The following VPS13B variants were observed in gnomAD, a reference collection of about 807,000 sequenced individuals.
The protein encoded by VPS13B is intermembrane lipid transfer protein VPS13B.
Under a neutral mutation model 426.4 loss-of-function variants are expected in VPS13B, and 285 were observed. That is an observed-to-expected ratio of 0.67 (90% CI 0.61 to 0.74). The LOEUF (loss-of-function observed/expected upper bound fraction) is 0.74. VPS13B is among the 30% of genes least tolerant of loss of function. VPS13B has a pLI of 0.00. For missense variants in VPS13B, 4,537 were observed against 4,782.6 expected (o/e 0.95, Z 1.51); for synonymous variants, 1,676 against 1,676.4 (o/e 1.00, Z 0.01).
At chr8:99,099,999 A>G (rs1846641022) in intron 4 of VPS13B, among the ~76,000 whole-genome samples, 1 of 152,168 alleles carries the variant, frequency 6.6e-6, no homozygotes, top group South Asian at 2.1e-4. Context: ...ATGATGAACA[A>G]ATATACTCCC....
chr8:99,533,053 C>G (rs1243612901), intron 30 of VPS13B, among the ~76,000 whole-genome samples: 7 of 151,338 alleles, frequency 4.6e-5, no homozygotes, highest in Non-Finnish European at 1.0e-4. Flanking sequence ...GATTCTCCTC[C>G]CTCAGCCTCC....
At chr8:99,214,495 A>G (rs1815280548) in intron 17 of VPS13B, among the ~76,000 whole-genome samples, 1 of 152,174 alleles carries the variant, frequency 6.6e-6, no homozygotes, top group Non-Finnish European at 1.5e-5. Context: ...TATTGACAGA[A>G]GAAGTCCTGG....
intron 34 of VPS13B, among the ~76,000 whole-genome samples, chr8:99,652,144 A>G (rs935341684): frequency 4.6e-5 from 7 of 152,152 alleles, no homozygotes; most frequent in Admixed American, 2.6e-4. Context: ...TATAAATGCC[A>G]AAGGTCTAAT....
At chr8:99,079,839 C>T (rs1006316228) in intron 3 of VPS13B, among the ~76,000 whole-genome samples, 15 of 151,370 alleles carry the variant, frequency 9.9e-5, no homozygotes, top group African/African-American at 2.7e-4. Context: ...GCAGGAGAAT[C>T]GCTTGAACCC....
chr8:99,522,240 A>G (rs1822409155), intron 30 of VPS13B, among the ~76,000 whole-genome samples: 1 of 152,154 alleles, frequency 6.6e-6, no homozygotes, highest in Admixed American at 6.5e-5. Context: ...AACATTTGGA[A>G]ATTCTTTCAG....
At position 99,706,940 on chromosome 8, in the gene VPS13B, A is replaced by T. The variant is rs1588641712; in HGVS notation, c.6454+7008A>T. ...CAGGAAATTGCCCGCTTGTCCATAT[A>T]AGCCAGTAGGCTGTTTGCTAGGAAA... is the stretch of plus-strand genomic sequence containing the variant. On this transcript the variant is annotated intron_variant, in intron 36 of 61. Coordinates refer to ENST00000357162, the MANE Select transcript of VPS13B (RefSeq NM_152564.5). Among the ~76,000 whole-genome samples the T allele has an allele frequency of 2.0e-5, 3 of 152,138 alleles. No individual in the cohort carries two copies. The East Asian group carries it at 5.8e-4, about 29-fold the overall frequency.
intron 15 of VPS13B, among the ~76,000 whole-genome samples, chr8:99,161,710 C>T (rs1811662427): frequency 1.3e-5 from 2 of 148,946 alleles, no homozygotes; most frequent in East Asian, 3.9e-4. Context: ...AAACCATTCC[C>T]TGGTGTTAAG....
At chr8:99,447,515 T>C (rs1198722136) in intron 23 of VPS13B, among the ~76,000 whole-genome samples, 1 of 152,200 alleles carries the variant, frequency 6.6e-6, no homozygotes, top group African/African-American at 2.4e-5. Context: ...AGACTTAACT[T>C]GACTTCAGTT....
At chr8:99,787,801 G>A (rs1271722543) in intron 43 of VPS13B, among the ~76,000 whole-genome samples, 1 of 152,128 alleles carries the variant, frequency 6.6e-6, no homozygotes, top group Non-Finnish European at 1.5e-5. Flanking sequence ...AGAGAGCACT[G>A]TTGGTTAAAC....
intron 43 of VPS13B, among the ~76,000 whole-genome samples, chr8:99,785,698 AT>A (rs1812222479): frequency 6.6e-6 from 1 of 152,030 alleles, no homozygotes; most frequent in Admixed American, 6.6e-5. Flanking sequence ...TCTATGTTTA[AT>A]TTTTTTTCCT....
At chr8:99,082,134 AC>A (rs1845511619) in intron 3 of VPS13B, among the ~76,000 whole-genome samples, 2 of 152,240 alleles carry the variant, frequency 1.3e-5, no homozygotes, top group South Asian at 4.1e-4. Flanking sequence ...TTGTTTCCTG[AC>A]TTTTTAATGA....
intron 28 of VPS13B, 77 bp downstream of exon 28, chr8:99,507,280 T>A: frequency 1.4e-6 from 2 of 1,433,894 alleles, no homozygotes; most frequent in Non-Finnish European, 2.0e-6. Context: ...AAAATAGGAC[T>A]AATGGTTACA....
At chr8:99,187,380 TAAG>T (rs1813278994) in intron 16 of VPS13B, among the ~76,000 whole-genome samples, 1 of 152,190 alleles carries the variant, frequency 6.6e-6, no homozygotes, top group Admixed American at 6.5e-5. Flanking sequence ...AAGGAAATAA[TAAG>T]GATAATTACA....
intron 43 of VPS13B, among the ~76,000 whole-genome samples, chr8:99,805,712 T>C (rs2130775231): frequency 6.6e-6 from 1 of 152,316 alleles, no homozygotes; most frequent in Admixed American, 6.5e-5. Context: ...GAAAATGTAC[T>C]CTCTTGGGAC....
chr8:99,656,783 A>C (rs1248429016), intron 34 of VPS13B, among the ~76,000 whole-genome samples: 1 of 152,168 alleles, frequency 6.6e-6, no homozygotes, highest in Non-Finnish European at 1.5e-5. Context: ...TATATTTTCT[A>C]TGATTTAAAT....
intron 7 of VPS13B, among the ~76,000 whole-genome samples, chr8:99,116,288 T>C (rs1191539586): frequency 6.6e-6 from 1 of 151,852 alleles, no homozygotes; most frequent in Non-Finnish European, 1.5e-5. Flanking sequence ...CGCCTCAGCC[T>C]CCCAAAGTGC....
chr8:99,683,403 G>T (rs1831237471), intron 35 of VPS13B, among the ~76,000 whole-genome samples: 1 of 146,862 alleles, frequency 6.8e-6, no homozygotes, highest in African/African-American at 2.5e-5. Flanking sequence ...TGGGATTATT[G>T]GAATTCTGTG....
At chr8:99,218,439 T>G (rs1815505295) in intron 17 of VPS13B, among the ~76,000 whole-genome samples, 1 of 152,200 alleles carries the variant, frequency 6.6e-6, no homozygotes, top group Admixed American at 6.5e-5. Context: ...TTTACAGTCT[T>G]AGCACTGTAG....
In VPS13B at chr8:99,870,634, T is replaced by A; in HGVS notation, c.11393-151T>A. On this transcript the variant is annotated intron_variant, in intron 59 of 61. Transcript: ENST00000357162. ...CCAAGGTTAAGAGCATTGTAATGTT[T>A]AATGATTATCTATACGCTTGCTTCC... is the stretch of plus-strand genomic sequence containing the variant. 3 of 692,960 alleles carry A rather than the reference T, an allele frequency of 4.3e-6. No homozygotes were observed. The South Asian group carries it at 5.1e-5, about 12-fold the overall frequency. The allele number at this position is 692,960 out of a possible 1,614,324, so 42.9% of individuals were successfully genotyped here.
Sources: allele counts gnomAD v4.1 joint callset (sites outside exome capture counted in the v4.1 genomes callset), GRCh38; gene constraint gnomAD v4.1.1; transcripts MANE v1.5; gene names NCBI Gene and HGNC (gene_info 2026-07-23, HGNC 2026-07-21).